DGKI: variants seen among roughly 807,000 people sequenced by gnomAD.
DGKI encodes the protein diacylglycerol kinase iota, also known as DAG kinase iota.
DGKI carries 55 observed loss-of-function variants against 147.5 expected under a neutral mutation model. That is an observed-to-expected ratio of 0.37 (90% CI 0.30 to 0.47). The LOEUF is 0.47. DGKI is among the 20% of genes least tolerant of loss of function. The pLI, the probability that DGKI is intolerant of heterozygous loss-of-function variation, is 1.00. For missense variants in DGKI, 1,007 were observed against 1,323.8 expected (o/e 0.76, Z 3.71); for synonymous variants, 469 against 477.1 (o/e 0.98, Z 0.22).
At chr7:137,477,039 T>A (rs1394928203) in intron 23 of DGKI, among the ~76,000 whole-genome samples, 1 of 152,194 alleles carries the variant, frequency 6.6e-6, no homozygotes, top group Non-Finnish European at 1.5e-5. Flanking sequence ...GAAGATCTCA[T>A]TCTACTCTAG....
In DGKI at chr7:137,534,538, A is replaced by G. The variant is rs574752616; in HGVS notation, c.2148-12572T>C. On this transcript the variant is annotated intron_variant, in intron 20 of 32. Coordinates refer to ENST00000614521, the MANE Select transcript of DGKI (RefSeq NM_001321708.2). ...ATATTGTTCAACCACTTTATTTTAC[A>G]GAAAGTGAATTTGGGTCCAGAGATG... 2.6e-5 allele frequency among the ~76,000 whole-genome samples: 4 copies of G among 152,202 alleles called. No homozygotes were observed. The South Asian group carries it at 8.3e-4, about 32-fold the overall frequency.
chr7:137,606,812 C>T (rs914007760), intron 10 of DGKI, among the ~76,000 whole-genome samples: 1 of 152,104 alleles, frequency 6.6e-6, no homozygotes, highest in African/African-American at 2.4e-5. Flanking sequence ...ATGCATGCAC[C>T]ACTCATCATA....
chr7:137,442,220 A>C (rs936067064), intron 28 of DGKI, among the ~76,000 whole-genome samples: 59 of 152,322 alleles, frequency 3.9e-4, no homozygotes, highest in African/African-American at 1.3e-3. Flanking sequence ...TTCTTCAACT[A>C]ATCACATATA....
intron 8 of DGKI, among the ~76,000 whole-genome samples, chr7:137,616,109 C>A (rs985395544): frequency 6.6e-6 from 1 of 152,062 alleles, no homozygotes; most frequent in African/African-American, 2.4e-5. Flanking sequence ...GATAGTGAGG[C>A]AGTGTGGCAT....
intron 23 of DGKI, among the ~76,000 whole-genome samples, chr7:137,474,445 A>C (rs772615484): frequency 6.6e-6 from 1 of 152,230 alleles, no homozygotes; most frequent in Non-Finnish European, 1.5e-5. Context: ...GGTACGAAGC[A>C]TAAATGGGTG....
intron 30 of DGKI, among the ~76,000 whole-genome samples, chr7:137,404,854 G>A (rs1427934143): frequency 6.6e-6 from 1 of 152,148 alleles, no homozygotes; most frequent in African/African-American, 2.4e-5. Context: ...AGTCAATGCG[G>A]GGTGATGAGA....
intron 28 of DGKI, among the ~76,000 whole-genome samples, chr7:137,428,407 T>G (rs1349938258): frequency 2.6e-5 from 4 of 152,156 alleles, no homozygotes; most frequent in Admixed American, 6.5e-5. Context: ...TATCTCAAAA[T>G]AATAAGAGCT....
rs574889270 is a variant in DGKI at position 137,564,900 on chromosome 7, C to T, written c.1947+6275G>A. On this transcript the variant is annotated intron_variant, in intron 19 of 32. Transcript: ENST00000614521. ...CCCCAACGCCTTGCGGGGCTCCTAC[C>T]GCCCCCACCGCCACAGTCGCGGCCG... Among the ~76,000 whole-genome samples the T allele has an allele frequency of 2.4e-3, 369 of 152,346 alleles. 1 individual carries two copies. Among genetic ancestry groups the T allele is most frequent in the African/African-American group, 8.5e-3 (354 of 41,582 alleles).
intron 1 of DGKI, among the ~76,000 whole-genome samples, chr7:137,844,358 A>T (rs1461171410): frequency 1.3e-5 from 2 of 152,122 alleles, no homozygotes; most frequent in African/African-American, 2.4e-5. Flanking sequence ...TATGAGTTCA[A>T]AGATCAATTG....
At chr7:137,475,740 C>T (rs1469400529) in intron 23 of DGKI, among the ~76,000 whole-genome samples, 1 of 152,182 alleles carries the variant, frequency 6.6e-6, no homozygotes, top group Non-Finnish European at 1.5e-5. Context: ...TTTCTGGCTC[C>T]AATTCTTGGA....
chr7:137,711,684 C>CTTTTTT (rs71177918), intron 1 of DGKI, among the ~76,000 whole-genome samples: 13 of 79,736 alleles, frequency 1.6e-4, no homozygotes, highest in African/African-American at 6.2e-4. Context: ...GGGATACCAA[C>CTTTTTT]TTTTTTTTTT....
At chr7:137,513,564 ATG>A (rs1194549517) in intron 21 of DGKI, among the ~76,000 whole-genome samples, 5 of 152,214 alleles carry the variant, frequency 3.3e-5, no homozygotes, top group African/African-American at 1.2e-4. Context: ...AATGAAAGGG[ATG>A]TGTTTTAAGA....
chr7:137,784,304 A>C (rs1278831598), intron 1 of DGKI, among the ~76,000 whole-genome samples: 2 of 152,154 alleles, frequency 1.3e-5, no homozygotes, highest in African/African-American at 4.8e-5. Flanking sequence ...TGGACACTAA[A>C]ATCCAGCAGT....
intron 1 of DGKI, among the ~76,000 whole-genome samples, chr7:137,776,304 T>G (rs1242288169): frequency 1.3e-5 from 2 of 152,216 alleles, no homozygotes; most frequent in Non-Finnish European, 2.9e-5. Flanking sequence ...AACAAAAGAT[T>G]ATACCCATTA....
intron 12 of DGKI, among the ~76,000 whole-genome samples, chr7:137,593,473 C>A (rs1819683739): frequency 6.6e-6 from 1 of 152,102 alleles, no homozygotes; most frequent in Non-Finnish European, 1.5e-5. Flanking sequence ...TTTATTGCAG[C>A]CAAGAGATCT....
At chr7:137,524,024 C>A (rs117331492) in intron 20 of DGKI, among the ~76,000 whole-genome samples, 2 of 151,464 alleles carry the variant, frequency 1.3e-5, no homozygotes, top group Non-Finnish European at 2.9e-5. Context: ...ATGGATTTGA[C>A]GGCAAAACTA....
chr7:137,467,769 C>A (rs1814715445), intron 24 of DGKI, among the ~76,000 whole-genome samples: 1 of 152,050 alleles, frequency 6.6e-6, no homozygotes, highest in African/African-American at 2.4e-5. Context: ...GTGCTTGAAG[C>A]CAGGAGTCTG....
At chr7:137,409,275 T>C (rs928223112) in intron 29 of DGKI, among the ~76,000 whole-genome samples, 1 of 152,052 alleles carries the variant, frequency 6.6e-6, no homozygotes, top group Admixed American at 6.6e-5. Flanking sequence ...AAATTCAGAG[T>C]TCACGTCTTC....
chr7:137,587,139 C>T lies in DGKI; in HGVS notation c.1383G>A (p.Leu461=), dbSNP rs571394345. ...SPQPPVGVLP[L]GTGNDLARTL... is the part of the protein sequence containing the mutation. ...TTCGAGCCAGGTCATTCCCAGTCCC[C>T]AGAGGAAGGACCCCCACAGGAGGCT... Residue 461 remains leucine, a synonymous_variant, in exon 13 of 33, where the codon CTG becomes CTA. Coordinates refer to ENST00000614521, the MANE Select transcript of DGKI (RefSeq NM_001321708.2). 3 of 1,612,716 alleles carry T rather than the reference C, an allele frequency of 1.9e-6. No homozygotes were observed. The highest frequency in any genetic ancestry group is 2.5e-6 in the Non-Finnish European group (3 of 1,179,518).
Sources: allele counts gnomAD v4.1 joint callset (sites outside exome capture counted in the v4.1 genomes callset), GRCh38; gene constraint gnomAD v4.1.1; transcripts MANE v1.5; gene names NCBI Gene and HGNC (gene_info 2026-07-23, HGNC 2026-07-21).